Variants in RASGRF2 observed in about 807,000 individuals in gnomAD.
The protein encoded by RASGRF2 is ras-specific guanine nucleotide-releasing factor 2.
Under a neutral mutation model 151.0 loss-of-function variants are expected in RASGRF2, and 76 were observed. The ratio of observed to expected loss-of-function variants is 0.50; its 90% CI spans 0.42 to 0.61. RASGRF2 has a LOEUF of 0.61. RASGRF2 is among the 20% of genes least tolerant of loss of function. The probability of loss-of-function intolerance (pLI) is 0.00; values close to 1 mark genes in which losing one functional copy is unlikely to be tolerated. For synonymous variants in RASGRF2, 504 were observed against 566.5 expected, an observed-to-expected ratio of 0.89 and a Z score of 1.57; for missense variants, 1,148 against 1,564.6, an observed-to-expected ratio of 0.73 and a Z score of 4.49.
intron 1 of RASGRF2, among the ~76,000 whole-genome samples, chr5:81,038,455 GT>G (rs746949939): frequency 8.7e-5 from 13 of 150,246 alleles, no homozygotes; most frequent in Non-Finnish European, 1.5e-4. Flanking sequence ...ACAATTAAAT[GT>G]CTTTTAAAAT....
intron 17 of RASGRF2, among the ~76,000 whole-genome samples, chr5:81,175,645 A>G (rs892913009): frequency 2.0e-5 from 3 of 151,418 alleles, no homozygotes; most frequent in African/African-American, 4.9e-5. Context: ...AATCCCAGCT[A>G]CTCAGGAGGC....
intron 5 of RASGRF2, among the ~76,000 whole-genome samples, chr5:81,078,155 A>G (rs1042960953): frequency 6.6e-6 from 1 of 152,216 alleles, no homozygotes. Flanking sequence ...TTTATGAGGT[A>G]TATGTTATAG....
intron 2 of RASGRF2, among the ~76,000 whole-genome samples, chr5:81,066,301 G>T (rs532672341): frequency 6.6e-6 from 1 of 151,840 alleles, no homozygotes; most frequent in Non-Finnish European, 1.5e-5. Flanking sequence ...ACTTAAAAAT[G>T]TTGCTGACAC....
At chr5:81,208,579 T>G (rs1755564840) in intron 22 of RASGRF2, 141 bp downstream of exon 22, 2 of 530,074 alleles carry the variant, frequency 3.8e-6, no homozygotes, top group Non-Finnish European at 6.2e-6. Context: ...TGAGACAGAG[T>G]CTCGCTCTGT....
At position 81,070,964 on chromosome 5, in the gene RASGRF2, T is replaced by G. The variant is rs1393590060; in HGVS notation, c.633+383T>G. On this transcript the variant is annotated intron_variant, in intron 4 of 26. Transcript: ENST00000265080. ...TTTAAGAAAGATTTTTTGGGGGGCA[T>G]GTGTGAAGATTGAGTAAATCAGCAC... Among the ~76,000 whole-genome samples the G allele has an allele frequency of 2.0e-5, 3 of 152,210 alleles. No homozygotes were observed. In the South Asian group the frequency reaches 6.2e-4, roughly 32 times the overall value.
intron 1 of RASGRF2, among the ~76,000 whole-genome samples, chr5:81,005,382 G>A (rs770850714): frequency 6.6e-5 from 10 of 152,060 alleles, no homozygotes; most frequent in Admixed American, 2.6e-4. Context: ...TCGTGAGAAC[G>A]CACTCACTAT....
rs570061927 is a variant in RASGRF2, at chr5:81,034,775, A to C, written c.289-8102A>C. Among the ~76,000 whole-genome samples, 27 of 134,496 alleles carry C rather than the reference A, an allele frequency of 2.0e-4. No homozygotes were observed. The South Asian group carries it at 5.2e-3, about 26-fold the overall frequency. 88.2% of individuals were successfully genotyped at this position (134,496 alleles called of 152,430 possible). ...GAGAACATATGGACACAGGAAGGGG[A>C]ACATCACACTCTGGGGACTGTTGTG... On this transcript the variant is annotated intron_variant, in intron 1 of 26. Coordinates refer to ENST00000265080, the MANE Select transcript of RASGRF2 (RefSeq NM_006909.3).
chr5:80,982,877 G>C (rs1325099643), intron 1 of RASGRF2, among the ~76,000 whole-genome samples: 1 of 152,032 alleles, frequency 6.6e-6, no homozygotes, highest in African/African-American at 2.4e-5. Flanking sequence ...TGGGATTACA[G>C]GTGTGAGCCA....
chr5:81,123,696 C>T lies in RASGRF2; in HGVS notation c.2525C>T (p.Ala842Val), dbSNP rs750172396. 19 of 1,613,760 alleles carry T rather than the reference C, an allele frequency of 1.2e-5. No individual in the cohort carries two copies. The highest frequency in any genetic ancestry group is 7.7e-5 in the South Asian group (7 of 91,060). The change falls in exon 16 of 27, where the codon GCG (alanine) becomes GTG (valine). Residue 842 changes from alanine to valine, a missense_variant. Around this residue, in one of 5 missense-constraint regions of RASGRF2, gnomAD observed 646 missense variants for 807.4 expected, o/e 0.80. Coordinates refer to ENST00000265080, the MANE Select transcript of RASGRF2 (RefSeq NM_006909.3). The stretch of plus-strand genomic sequence containing the variant: ...GCAGGAGTGGAAAGCTCCCCTGCAG[C>T]GGACACCACAGAACTTTCACCTTGC... ...DRAGVESSPA[A>V]DTTELSPCRS...
intron 18 of RASGRF2, among the ~76,000 whole-genome samples, chr5:81,201,014 G>C (rs1422235054): frequency 6.6e-6 from 1 of 152,124 alleles, no homozygotes; most frequent in African/African-American, 2.4e-5. Flanking sequence ...AGAGGCTGGA[G>C]GGGTGGGCCA....
At chr5:81,169,939 T>C (rs1561242614) in intron 17 of RASGRF2, among the ~76,000 whole-genome samples, 2 of 98,204 alleles carry the variant, frequency 2.0e-5, no homozygotes, top group Admixed American at 1.1e-4. Flanking sequence ...CTGTACCACC[T>C]GTATCACCCA....
At chr5:81,148,599 G>A (rs535766040) in intron 17 of RASGRF2, among the ~76,000 whole-genome samples, 7 of 149,426 alleles carry the variant, frequency 4.7e-5, no homozygotes, top group East Asian at 2.0e-4. Flanking sequence ...ACACCTGAAC[G>A]CACCAACTAG....
intron 1 of RASGRF2, among the ~76,000 whole-genome samples, chr5:81,034,549 C>G (rs973896675): frequency 6.6e-6 from 1 of 151,728 alleles, no homozygotes; most frequent in African/African-American, 2.4e-5. Context: ...GGAACCAACC[C>G]AAATGTCCAA....
intron 1 of RASGRF2, among the ~76,000 whole-genome samples, chr5:80,967,482 T>C (rs1476405872): frequency 2.0e-5 from 3 of 152,236 alleles, no homozygotes; most frequent in African/African-American, 7.2e-5. Context: ...AATATCTGTT[T>C]TTAGCTCTTA....
intron 17 of RASGRF2, among the ~76,000 whole-genome samples, chr5:81,137,174 G>A (rs1490326069): frequency 6.6e-6 from 1 of 152,102 alleles, no homozygotes; most frequent in Non-Finnish European, 1.5e-5. Flanking sequence ...TTCACCTTCA[G>A]TATGGTATTC....
chr5:81,114,521 A>G (rs2112548197), intron 15 of RASGRF2, among the ~76,000 whole-genome samples: 1 of 152,322 alleles, frequency 6.6e-6, no homozygotes, highest in African/African-American at 2.4e-5. Context: ...AATGTTGATT[A>G]GGTCATAGGG....
At chr5:81,190,984 A>C (rs994477818) in intron 18 of RASGRF2, among the ~76,000 whole-genome samples, 1 of 152,010 alleles carries the variant, frequency 6.6e-6, no homozygotes, top group African/African-American at 2.4e-5. Flanking sequence ...TGCCATGGAG[A>C]GCCCTTATTT....
intron 17 of RASGRF2, among the ~76,000 whole-genome samples, chr5:81,141,437 T>C (rs572707029): frequency 6.6e-6 from 1 of 152,284 alleles, no homozygotes; most frequent in Admixed American, 6.5e-5. Flanking sequence ...CATCTCACGT[T>C]ATAGATTCTG....
intron 12 of RASGRF2, among the ~76,000 whole-genome samples, chr5:81,107,948 G>A (rs1752889439): frequency 6.6e-6 from 1 of 152,238 alleles, no homozygotes; most frequent in Non-Finnish European, 1.5e-5. Context: ...AAAGTTTTAA[G>A]GAAAAACAAG....
Sources: gnomAD v4.1 joint callset for allele counts (sites outside exome capture counted in the v4.1 genomes callset) on GRCh38, gnomAD v4.1.1 for gene constraint, gnomAD v4.1.1 regional missense constraint, MANE v1.5 for transcripts, NCBI Gene and HGNC (gene_info 2026-07-23, HGNC 2026-07-21) for gene names.